The following SOX6 variants were observed in gnomAD, a reference collection of about 807,000 sequenced individuals.
SOX6 encodes SRY-box transcription factor 6, also known as transcription factor SOX-6.
SOX6 carries 11 observed loss-of-function variants against 97.8 expected under a neutral mutation model. The ratio of observed to expected loss-of-function variants is 0.11; its 90% CI spans 0.07 to 0.19. SOX6 has a LOEUF of 0.19. SOX6 is among the 10% of genes least tolerant of loss of function. SOX6 has a pLI of 1.00. For missense variants in SOX6, 810 were observed against 1,039.5 expected (o/e 0.78, Z 3.04); for synonymous variants, 360 against 371.4 (o/e 0.97, Z 0.35).
intron 15 of SOX6, among the ~76,000 whole-genome samples, chr11:15,975,321 G>T (rs868256577): frequency 3.3e-5 from 5 of 152,204 alleles, no homozygotes; most frequent in Middle Eastern, 6.8e-3. Context: ...TGCCTCATTG[G>T]TTTTTTTACT....
intron 6 of SOX6, among the ~76,000 whole-genome samples, chr11:16,160,931 G>T (rs1850732680): frequency 1.3e-5 from 2 of 152,114 alleles, no homozygotes; most frequent in Non-Finnish European, 2.9e-5. Flanking sequence ...CAAAACCGAT[G>T]ATACTAGTTA....
rs1491437605 is a variant in SOX6, at chr11:16,132,492, G to GAAAT, written c.778-20570_778-20569insATTT. Reference sequence around the variant, plus strand: ...AGAAAGAAAGAAAGAAAGAAAGAAAGAAAGAAAGAAAGAAAGCTTATCTTT... The same window carrying GAAAT: ...AGAAAGAAAGAAAGAAAGAAAGAAAGAAATAAAGAAAGAAAGAAAGCTTATCTTT... On this transcript the variant is annotated intron_variant, in intron 6 of 15. Transcript: ENST00000683767. Among the ~76,000 whole-genome samples, 23 of 147,998 alleles carry GAAAT rather than the reference G, an allele frequency of 1.6e-4. 1 individual carries two copies. The highest frequency in any genetic ancestry group is 4.3e-4 in the South Asian group (2 of 4,634).
intron 4 of SOX6, among the ~76,000 whole-genome samples, chr11:16,498,827 C>T (rs1294204302): frequency 6.6e-6 from 1 of 152,204 alleles, no homozygotes; most frequent in Non-Finnish European, 1.5e-5. Flanking sequence ...TAGAGACCTA[C>T]AAAGAAACTT....
intron 2 of SOX6, among the ~76,000 whole-genome samples, chr11:16,719,722 G>A (rs1052524573): frequency 5.3e-5 from 8 of 152,200 alleles, no homozygotes; most frequent in South Asian, 4.2e-4. Flanking sequence ...CCAGGAGTTC[G>A]AGGCTAGCCT....
At chr11:16,515,269 G>A (rs1860950980) in intron 4 of SOX6, among the ~76,000 whole-genome samples, 1 of 151,978 alleles carries the variant, frequency 6.6e-6, no homozygotes, top group Non-Finnish European at 1.5e-5. Context: ...TCTCATTGTG[G>A]TTTTGATTTG....
At chr11:16,599,998 T>C (rs1426513157) in intron 4 of SOX6, among the ~76,000 whole-genome samples, 1 of 152,214 alleles carries the variant, frequency 6.6e-6, no homozygotes, top group African/African-American at 2.4e-5. Context: ...AAAAAATAAC[T>C]TCTACTTTGA....
intron 3 of SOX6, among the ~76,000 whole-genome samples, chr11:16,697,184 C>T (rs1199121619): frequency 1.3e-5 from 2 of 152,180 alleles, no homozygotes; most frequent in Non-Finnish European, 2.9e-5. Context: ...TCCATATCTA[C>T]AGTTACTTCC....
chr11:16,625,262 T>C (rs938213972), intron 3 of SOX6, among the ~76,000 whole-genome samples: 3 of 152,232 alleles, frequency 2.0e-5, no homozygotes, highest in Non-Finnish European at 4.4e-5. Context: ...AGAGATTTTA[T>C]AGTTTTATCT....
At chr11:16,200,999 C>T (rs1042000391) in intron 4 of SOX6, among the ~76,000 whole-genome samples, 5 of 151,934 alleles carry the variant, frequency 3.3e-5, no homozygotes, top group Non-Finnish European at 7.4e-5. Flanking sequence ...CACCTGTAAT[C>T]CCAGCTACTA....
intron 4 of SOX6, among the ~76,000 whole-genome samples, chr11:16,516,178 G>A (rs1860968123): frequency 6.6e-6 from 1 of 150,852 alleles, no homozygotes; most frequent in Non-Finnish European, 1.5e-5. Flanking sequence ...TCCTACCCAT[G>A]AGCATGGAGT....
chr11:16,134,055 C>A (rs1849891210), intron 6 of SOX6, among the ~76,000 whole-genome samples: 1 of 152,214 alleles, frequency 6.6e-6, no homozygotes, highest in Non-Finnish European at 1.5e-5. Flanking sequence ...ATAAAGGCTA[C>A]ACTGATATAG....
Position 16,154,506 on chromosome 11 carries a change from T to C in SOX6, c.777+29380A>G, listed in dbSNP as rs185677351. 5.9e-5 allele frequency among the ~76,000 whole-genome samples: 9 copies of C among 152,258 alleles called. No individual in the cohort carries two copies. In the East Asian group the frequency reaches 1.5e-3, roughly 26 times the overall value. On this transcript the variant is annotated intron_variant, in intron 6 of 15. Coordinates refer to ENST00000683767, the MANE Select transcript of SOX6 (RefSeq NM_001367873.1). Reference sequence around the variant, plus strand: ...GCTATTGATGCTTCTTTCTGCTCTATTGTGCTCCCATTTTGCCTTTTAAGT... The same window carrying C: ...GCTATTGATGCTTCTTTCTGCTCTACTGTGCTCCCATTTTGCCTTTTAAGT...
intron 4 of SOX6, among the ~76,000 whole-genome samples, chr11:16,604,994 A>T (rs1848317278): frequency 1.3e-5 from 2 of 152,034 alleles, no homozygotes; most frequent in Admixed American, 6.5e-5. Flanking sequence ...GCACAACCCC[A>T]GCAGCCTTTG....
chr11:16,315,958 T>C (rs1467896170), intron 3 of SOX6: 2 of 152,168 alleles, frequency 1.3e-5, no homozygotes, highest in African/African-American at 4.8e-5. Context: ...TCACAAACAT[T>C]CTATTGAGCA....
intron 4 of SOX6, among the ~76,000 whole-genome samples, chr11:16,551,341 C>A (rs934848437): frequency 4.6e-5 from 7 of 151,814 alleles, no homozygotes; most frequent in African/African-American, 1.7e-4. Context: ...AGAGTGAGAC[C>A]CTGTCTCATT....
chr11:16,116,530 T>G (rs1849351969), intron 6 of SOX6, among the ~76,000 whole-genome samples: 1 of 152,118 alleles, frequency 6.6e-6, no homozygotes, highest in South Asian at 2.1e-4. Context: ...TAATTGTAGG[T>G]TTGCATGTGG....
intron 4 of SOX6, among the ~76,000 whole-genome samples, chr11:16,521,861 C>T (rs541048301): frequency 6.6e-6 from 1 of 152,032 alleles, no homozygotes; most frequent in Non-Finnish European, 1.5e-5. Context: ...ATGTGATCAA[C>T]TGGAAGAAAG....
intron 4 of SOX6, among the ~76,000 whole-genome samples, chr11:16,483,360 G>T (rs187411716): frequency 6.6e-6 from 1 of 151,462 alleles, no homozygotes; most frequent in Non-Finnish European, 1.5e-5. Context: ...TTTTTTTCAA[G>T]TTCACAAAAG....
At chr11:16,375,343 C>T (rs1237841582) in intron 1 of SOX6, among the ~76,000 whole-genome samples, 1 of 151,968 alleles carries the variant, frequency 6.6e-6, no homozygotes, top group African/African-American at 2.4e-5. Context: ...ATTGTTACAA[C>T]TGAAATGAAA....
Sources: allele counts gnomAD v4.1 joint callset (sites outside exome capture counted in the v4.1 genomes callset), GRCh38; gene constraint gnomAD v4.1.1; transcripts MANE v1.5; gene names NCBI Gene and HGNC (gene_info 2026-07-23, HGNC 2026-07-21).